KLK7: variants seen among roughly 807,000 people sequenced by gnomAD.
KLK7 encodes the protein kallikrein related peptidase 7.
Under a neutral mutation model 21.0 loss-of-function variants are expected in KLK7, and 17 were observed. The observed-to-expected ratio is 0.81, with a 90% CI of 0.55 to 1.21. The LOEUF (loss-of-function observed/expected upper bound fraction) is 1.21. Ranked by LOEUF, KLK7 falls within the 50% of genes most tolerant of loss-of-function variation. KLK7 has a pLI of 0.00. For missense variants in KLK7, 330 were observed against 322.8 expected (o/e 1.02, Z -0.17); for synonymous variants, 151 against 134.6 (o/e 1.12, Z -0.85).
chr19:50,983,658 C>A, intron 1 of KLK7, 193 bp downstream of exon 1: 1 of 747,668 alleles, frequency 1.3e-6, no homozygotes, highest in Non-Finnish European at 1.8e-6. Context: ...TCTTGCCCTT[C>A]CCTGTGGAAC....
rs2091041017 is a variant in KLK7 at position 50,976,638 on chromosome 19, C to G, written c.*898G>C. On this transcript the variant is annotated 3_prime_UTR_variant, in exon 6 of 6. Transcript: ENST00000595820. Reference sequence around the variant, plus strand: ...ATATTTCATTTTTTATGGGTAGGGTCACATACATATATATTTTTGTCCTTC... The same window carrying G: ...ATATTTCATTTTTTATGGGTAGGGTGACATACATATATATTTTTGTCCTTC... 1 of 152,184 alleles carries G rather than the reference C, an allele frequency of 6.6e-6. No homozygotes were observed. The highest frequency in any genetic ancestry group is 2.1e-4 in the South Asian group (1 of 4,836). The allele number at this position is 152,184 out of a possible 1,614,324, so 9.4% of individuals were successfully genotyped here.
rs753999943 is a variant in KLK7 at position 50,977,502 on chromosome 19, T to C, written c.*34A>G. 13 of 1,604,678 alleles carry C rather than the reference T, an allele frequency of 8.1e-6. No homozygotes were observed. Among genetic ancestry groups the C allele is most frequent in the Non-Finnish European group, 1.1e-5 (13 of 1,172,046 alleles). The stretch of plus-strand genomic sequence containing the variant: ...CGTCCTCACTCCTGTGCATTTTCTG[T>C]TGGAAGCACACAGTTAATTAACTCA... On this transcript the variant is annotated 3_prime_UTR_variant, in exon 6 of 6. Coordinates refer to ENST00000595820, the MANE Select transcript of KLK7 (RefSeq NM_005046.4).
At chr19:50,983,729 GC>G in intron 1 of KLK7, 121 bp downstream of exon 1, 1 of 1,202,052 alleles carries the variant, frequency 8.3e-7, no homozygotes, top group South Asian at 1.5e-5. Context: ...AGACTTCCAG[GC>G]CCTCACTGCT....
intron 3 of KLK7, among the ~76,000 whole-genome samples, chr19:50,981,206 G>A (rs2091081402): frequency 7.1e-6 from 1 of 141,412 alleles, no homozygotes; most frequent in South Asian, 2.4e-4. Context: ...AGAGAGAGAG[G>A]AGGGGGAACA....
chr19:50,982,937 T>C (rs2122269038), intron 1 of KLK7, among the ~76,000 whole-genome samples: 1 of 62,316 alleles, frequency 1.6e-5, no homozygotes, highest in Non-Finnish European at 3.4e-5. Flanking sequence ...CCCGCCTCCC[T>C]CAGACCTAGG....
At chr19:50,978,235 C>G (rs1224535058) in intron 5 of KLK7, among the ~76,000 whole-genome samples, 1 of 152,148 alleles carries the variant, frequency 6.6e-6, no homozygotes, top group Non-Finnish European at 1.5e-5. Flanking sequence ...CTTGCACATT[C>G]ATGAAACTGG....
Position 50,977,031 on chromosome 19 carries a change from A to G in KLK7, c.*505T>C, listed in dbSNP as rs1448872843. 1 of 153,940 alleles carries G rather than the reference A, an allele frequency of 6.5e-6. No individual in the cohort carries two copies. The highest frequency in any genetic ancestry group is 1.9e-4 in the East Asian group (1 of 5,238). 9.5% of individuals were successfully genotyped at this position (153,940 alleles called of 1,614,324 possible). On this transcript the variant is annotated 3_prime_UTR_variant, in exon 6 of 6. Coordinates refer to ENST00000595820, the MANE Select transcript of KLK7 (RefSeq NM_005046.4). Reference sequence around the variant, plus strand: ...CTGCATTGCAGCCCAAGCAACAGAGACTCTGTCTCAAAGAAAAAAAACATC... The same window carrying G: ...CTGCATTGCAGCCCAAGCAACAGAGGCTCTGTCTCAAAGAAAAAAAACATC...
At chr19:50,978,291 A>G (rs926089238) in intron 5 of KLK7, among the ~76,000 whole-genome samples, 1 of 152,094 alleles carries the variant, frequency 6.6e-6, no homozygotes, top group Admixed American at 6.6e-5. Flanking sequence ...TAGGACAGTC[A>G]TCTCTCTCCC....
In KLK7 at chr19:50,980,361, C is replaced by G. The variant is rs772690829; in HGVS notation, c.348G>C (p.Val116=). Residue 116 remains valine, a synonymous_variant, in exon 4 of 6, where the codon GTG becomes GTC. Coordinates refer to ENST00000595820, the MANE Select transcript of KLK7 (RefSeq NM_005046.4). Reference sequence around the variant, plus strand: ...ACAGCCTGGCCTGGCTATTGAGCTTCACGAGCATGAGGTCATTAACATGGG... The same window carrying G: ...ACAGCCTGGCCTGGCTATTGAGCTTGACGAGCATGAGGTCATTAACATGGG... ...TQTHVNDLML[V]KLNSQARLSS... The G allele has an allele frequency of 6.2e-7, 1 of 1,614,090 alleles. No homozygotes were observed. Among genetic ancestry groups the G allele is most frequent in the Non-Finnish European group, 8.5e-7 (1 of 1,179,986 alleles).
upstream of KLK7, chr19:50,983,957 C>G: frequency 1.4e-5 from 18 of 1,283,540 alleles, no homozygotes; most frequent in Non-Finnish European, 1.8e-5. Flanking sequence ...ACCCCCCGCC[C>G]CATGCCCGGC....
chr19:50,983,162 T>C (rs372635075), intron 1 of KLK7, among the ~76,000 whole-genome samples: 810 of 84,308 alleles, frequency 9.6e-3, no homozygotes, highest in African/African-American at 0.035. Context: ...CCCTCAGACC[T>C]AGGAGTCCAG....
intron 5 of KLK7, among the ~76,000 whole-genome samples, 200 bp from the exon 6 acceptor site, chr19:50,977,891 A>T (rs976066111): frequency 1.3e-5 from 2 of 152,052 alleles, no homozygotes; most frequent in Non-Finnish European, 2.9e-5. Flanking sequence ...CACTGGTTTG[A>T]CCCTTGGCCA....
rs1266917237 is a variant in KLK7 at position 50,981,783 on chromosome 19, C to T, written c.205G>A (p.Ala69Thr). The change falls in exon 3 of 6, where the codon GCC becomes ACC. Residue 69 changes from alanine to threonine, a missense_variant. Transcript: ENST00000595820. Reference sequence around the variant, plus strand: ...GGCACCTACTTCATCTTGCAGTGGGCGGCAGTGAGCACCCAGCGCTCATTG... The same window carrying T: ...GGCACCTACTTCATCTTGCAGTGGGTGGCAGTGAGCACCCAGCGCTCATTG... ...LVNERWVLTAAHCKMNEYTVH... is the reference protein window; with the variant it reads ...LVNERWVLTATHCKMNEYTVH... 24 of 1,578,436 alleles carry T rather than the reference C, an allele frequency of 1.5e-5. No individual in the cohort carries two copies. Among genetic ancestry groups the T allele is most frequent in the African/African-American group, 6.7e-5 (5 of 74,700 alleles).
intron 5 of KLK7, among the ~76,000 whole-genome samples, chr19:50,979,375 T>C (rs750763908): frequency 6.6e-6 from 1 of 152,268 alleles, no homozygotes; most frequent in African/African-American, 2.4e-5. Context: ...GAAAATTCAG[T>C]AAGATCCACC....
chr19:50,981,355 A>G (rs180770176), intron 3 of KLK7, among the ~76,000 whole-genome samples: 71 of 137,210 alleles, frequency 5.2e-4, no homozygotes, highest in Non-Finnish European at 9.0e-4. Flanking sequence ...AAAGGCAGAC[A>G]GAGACCCAGA....
chr19:50,982,081 C>G lies in KLK7; in HGVS notation c.74-167G>C, dbSNP rs372968500. ...TAGAGACAGACAGAAGGAGCCCACTCAGAAACCCAGGAGGCGCATCTCATC... is the reference window on the plus strand; with the variant it reads ...TAGAGACAGACAGAAGGAGCCCACTGAGAAACCCAGGAGGCGCATCTCATC... On this transcript the variant is annotated intron_variant, in intron 2 of 5. Transcript: ENST00000595820. 1.6e-5 allele frequency: 14 copies of G among 865,678 alleles called. No homozygotes were observed. In the African/African-American group the frequency reaches 2.4e-4, roughly 15 times the overall value. 53.6% of individuals were successfully genotyped at this position (865,678 alleles called of 1,614,324 possible). A position where few individuals can be genotyped will look rare whatever the true frequency, so the allele number is the denominator to read the frequency against.
At chr19:50,979,414 T>C (rs2122245063) in intron 5 of KLK7, among the ~76,000 whole-genome samples, 1 of 152,362 alleles carries the variant, frequency 6.6e-6, no homozygotes, top group Non-Finnish European at 1.5e-5. Context: ...TGACATTTTG[T>C]CCATCATGGA....
chr19:50,981,958 G>A, intron 2 of KLK7, 44 bp from the exon 3 acceptor site: 1 of 1,595,828 alleles, frequency 6.3e-7, no homozygotes, highest in Non-Finnish European at 8.6e-7. Flanking sequence ...TAGCATTAGG[G>A]GAAGGCTGAG....
At chr19:50,981,351 A>AGACAGAGACCCAGAGAGAGGGG (rs1416409439) in intron 3 of KLK7, among the ~76,000 whole-genome samples, 14 of 134,856 alleles carry the variant, frequency 1.0e-4, no homozygotes, top group African/African-American at 4.1e-4. Flanking sequence ...AGAGAAAGGC[A>AGACAGAGACCCAGAGAGAGGGG]GACAGAGACC....
Sources: allele counts gnomAD v4.1 joint callset (sites outside exome capture counted in the v4.1 genomes callset), GRCh38; gene constraint gnomAD v4.1.1; transcripts MANE v1.5; gene names NCBI Gene and HGNC (gene_info 2026-07-23, HGNC 2026-07-21).